Variants in CDKAL1 observed in about 807,000 individuals in gnomAD.
CDKAL1 encodes the protein CDKAL1 threonylcarbamoyladenosine tRNA methylthiotransferase.
A neutral mutation model predicts 68.2 loss-of-function variants in CDKAL1; 32 were observed. That is an observed-to-expected ratio of 0.47 (90% CI 0.35 to 0.63). The LOEUF (loss-of-function observed/expected upper bound fraction) is 0.63, where lower values mean the gene tolerates loss of function less well. Ranked by LOEUF, CDKAL1 falls within the 30% of genes least tolerant of loss-of-function variation. CDKAL1 has a pLI of 0.00. For synonymous variants in CDKAL1, 234 were observed against 244.3 expected (o/e 0.96, Z 0.39); for missense variants, 606 against 696.7 (o/e 0.87, Z 1.47).
At chr6:20,585,502 A>G (rs1355924473) in intron 4 of CDKAL1, among the ~76,000 whole-genome samples, 1 of 152,146 alleles carries the variant, frequency 6.6e-6, no homozygotes, top group Non-Finnish European at 1.5e-5. Context: ...AGTTCACTCT[A>G]CGGAGGCCCT....
intron 15 of CDKAL1, among the ~76,000 whole-genome samples, chr6:21,205,921 G>A (rs1231204277): frequency 9.8e-5 from 13 of 132,128 alleles, no homozygotes; most frequent in Admixed American, 1.8e-4. Context: ...CACAAGCTCC[G>A]CCTCCCGGGT....
intron 15 of CDKAL1, among the ~76,000 whole-genome samples, chr6:21,226,987 G>A (rs1045662319): frequency 2.6e-5 from 4 of 152,338 alleles, no homozygotes; most frequent in Admixed American, 6.5e-5. Context: ...GATTGTAGGC[G>A]TGAGCCACCG....
chr6:21,012,770 T>G (rs1428192519), intron 11 of CDKAL1, among the ~76,000 whole-genome samples: 1 of 152,138 alleles, frequency 6.6e-6, no homozygotes, highest in Non-Finnish European at 1.5e-5. Context: ...TGTGCCCATA[T>G]TTGAGGTGGC....
chr6:20,829,887 T>C (rs1777644435), intron 8 of CDKAL1, among the ~76,000 whole-genome samples: 1 of 152,230 alleles, frequency 6.6e-6, no homozygotes, highest in African/African-American at 2.4e-5. Context: ...ATTATTATTA[T>C]TTTTTGAGAC....
At chr6:20,848,911 G>C (rs2150500227) in intron 9 of CDKAL1, among the ~76,000 whole-genome samples, 1 of 151,868 alleles carries the variant, frequency 6.6e-6, no homozygotes, top group Non-Finnish European at 1.5e-5. Context: ...TCCTGCCTCA[G>C]CCTCCGCAGT....
chr6:21,014,727 G>A (rs369914618), intron 11 of CDKAL1, among the ~76,000 whole-genome samples: 20 of 151,882 alleles, frequency 1.3e-4, no homozygotes, highest in African/African-American at 4.3e-4. Flanking sequence ...CATCAATACC[G>A]AATTTTGCAC....
intron 5 of CDKAL1, among the ~76,000 whole-genome samples, chr6:20,713,937 G>C (rs751327036): frequency 6.6e-6 from 1 of 151,966 alleles, no homozygotes; most frequent in Non-Finnish European, 1.5e-5. Context: ...TGCTAACTTT[G>C]ATCATATTTG....
chr6:20,609,520 C>A (rs539383438), intron 4 of CDKAL1, among the ~76,000 whole-genome samples: 27 of 151,608 alleles, frequency 1.8e-4, no homozygotes, highest in African/African-American at 6.0e-4. Flanking sequence ...CTCAGCCTCC[C>A]GAGTAGCTAG....
At chr6:20,830,119 G>A (rs1777654696) in intron 8 of CDKAL1, among the ~76,000 whole-genome samples, 1 of 152,152 alleles carries the variant, frequency 6.6e-6, no homozygotes, top group African/African-American at 2.4e-5. Context: ...GCCTCCCAAA[G>A]TGCTGGGATT....
At chr6:20,927,135 A>C (rs113506513) in intron 9 of CDKAL1, among the ~76,000 whole-genome samples, 2 of 152,258 alleles carry the variant, frequency 1.3e-5, no homozygotes, top group African/African-American at 4.8e-5. Flanking sequence ...TCCATCAGCC[A>C]ACTTTAATTT....
At chr6:20,843,446 G>A (rs533047643) in intron 8 of CDKAL1, among the ~76,000 whole-genome samples, 4 of 151,974 alleles carry the variant, frequency 2.6e-5, no homozygotes, top group African/African-American at 4.8e-5. Context: ...TTTCAGATAA[G>A]GGATTTTGAA....
chr6:21,184,265 G>A lies in CDKAL1; in HGVS notation c.1300-13756G>A, dbSNP rs545470872. Reference sequence around the variant, plus strand: ...GCTGGAGTGCAATGGCACGACCTCGGCTTACTGCAATCTCTACCTCCCAGG... The same window carrying A: ...GCTGGAGTGCAATGGCACGACCTCGACTTACTGCAATCTCTACCTCCCAGG... On this transcript the variant is annotated intron_variant, in intron 13 of 15. Coordinates refer to ENST00000274695, the MANE Select transcript of CDKAL1 (RefSeq NM_017774.3). Among the ~76,000 whole-genome samples the A allele has an allele frequency of 2.0e-5, 3 of 151,130 alleles. No individual in the cohort carries two copies. In the East Asian group the frequency reaches 5.8e-4, roughly 29 times the overall value.
chr6:20,617,513 A>G (rs1272565824), intron 4 of CDKAL1, among the ~76,000 whole-genome samples: 1 of 152,106 alleles, frequency 6.6e-6, no homozygotes, highest in African/African-American at 2.4e-5. Flanking sequence ...GGTGTGCTGC[A>G]CCTGTTAACT....
Position 20,800,146 on chromosome 6 carries a change from A to C in CDKAL1, c.638+18881A>C, listed in dbSNP as rs1038393562. Among the ~76,000 whole-genome samples the C allele has an allele frequency of 5.1e-5, 4 of 77,754 alleles. No individual in the cohort carries two copies. The East Asian group carries it at 1.9e-3, about 38-fold the overall frequency. 51.0% of individuals were successfully genotyped at this position (77,754 alleles called of 152,430 possible). ...CTGGACCAGCATATACATGCTCAGC[A>C]GCCTTTTTCTTTTCTTTTCTTTTAA... On this transcript the variant is annotated intron_variant, in intron 8 of 15. Coordinates refer to ENST00000274695, the MANE Select transcript of CDKAL1 (RefSeq NM_017774.3).
chr6:20,758,245 T>C (rs1774311806), intron 6 of CDKAL1, among the ~76,000 whole-genome samples: 1 of 152,206 alleles, frequency 6.6e-6, no homozygotes, highest in Non-Finnish European at 1.5e-5. Flanking sequence ...ATGCCATTTT[T>C]TTTCCTGAAG....
intron 9 of CDKAL1, among the ~76,000 whole-genome samples, chr6:20,904,087 A>G (rs1391425945): frequency 3.9e-5 from 6 of 152,202 alleles, no homozygotes. Flanking sequence ...TGTAGGGTGC[A>G]CAATAAGGAT....
chr6:20,972,726 T>C (rs189669221), intron 10 of CDKAL1, among the ~76,000 whole-genome samples: 1 of 152,288 alleles, frequency 6.6e-6, no homozygotes, highest in African/African-American at 2.4e-5. Context: ...GAAAGCATGC[T>C]TGATTTTAGA....
At chr6:20,637,095 T>A (rs993976522) in intron 4 of CDKAL1, among the ~76,000 whole-genome samples, 3 of 151,964 alleles carry the variant, frequency 2.0e-5, no homozygotes, top group Middle Eastern at 3.4e-3. Context: ...CTTTGTGCAT[T>A]CTGCCAAATG....
chr6:21,044,062 A>G (rs1336624591), intron 11 of CDKAL1, among the ~76,000 whole-genome samples: 1 of 152,228 alleles, frequency 6.6e-6, no homozygotes, highest in Non-Finnish European at 1.5e-5. Flanking sequence ...CACATTCTAC[A>G]TTAGGAGGGC....
Sources: allele counts gnomAD v4.1 joint callset (sites outside exome capture counted in the v4.1 genomes callset), GRCh38; gene constraint gnomAD v4.1.1; transcripts MANE v1.5; gene names NCBI Gene and HGNC (gene_info 2026-07-23, HGNC 2026-07-21).